Variants in SYT1 observed in about 807,000 individuals in gnomAD.
SYT1 encodes synaptotagmin 1, also known as synaptotagmin-1.
A neutral mutation model predicts 44.8 loss-of-function variants in SYT1; 8 were observed. The observed-to-expected ratio is 0.18, with a 90% CI of 0.10 to 0.32. The LOEUF (loss-of-function observed/expected upper bound fraction) is 0.32. Ranked by LOEUF, SYT1 falls within the 10% of genes least tolerant of loss-of-function variation. The probability of loss-of-function intolerance (pLI) is 1.00; values close to 1 mark genes in which losing one functional copy is unlikely to be tolerated. For synonymous variants in SYT1, 154 were observed against 188.8 expected, an observed-to-expected ratio of 0.82 and a Z score of 1.51; for missense variants, 286 against 509.3, an observed-to-expected ratio of 0.56 and a Z score of 4.22.
At chr12:79,154,546 G>A (rs541725227) in intron 3 of SYT1, among the ~76,000 whole-genome samples, 109 of 152,024 alleles carry the variant, frequency 7.2e-4, no homozygotes, top group Non-Finnish European at 1.4e-3. Context: ...CTGTCAGGTA[G>A]AGATAATGGG....
At chr12:78,944,454 A>G (rs1238371824) in intron 1 of SYT1, among the ~76,000 whole-genome samples, 1 of 152,078 alleles carries the variant, frequency 6.6e-6, no homozygotes. Context: ...TTATTTGTGT[A>G]CCATCTAATA....
intron 9 of SYT1, among the ~76,000 whole-genome samples, chr12:79,403,664 G>A (rs115070340): frequency 0.016 from 2,393 of 152,294 alleles, 47 homozygotes; most frequent in African/African-American, 0.044. Context: ...AAGAGAGAGA[G>A]AGACAGAGAC....
chr12:79,395,699 G>C (rs1884840872), intron 9 of SYT1, among the ~76,000 whole-genome samples: 1 of 152,086 alleles, frequency 6.6e-6, no homozygotes, highest in Non-Finnish European at 1.5e-5. Context: ...TACAGACTTT[G>C]ATAGTAGTCT....
intron 3 of SYT1, among the ~76,000 whole-genome samples, chr12:79,198,924 A>C (rs531707026): frequency 6.6e-6 from 1 of 152,306 alleles, no homozygotes; most frequent in African/African-American, 2.4e-5. Context: ...AAATGCTCAG[A>C]CATTACAGAG....
chr12:79,214,759 T>C (rs543606293), intron 3 of SYT1, among the ~76,000 whole-genome samples: 3 of 152,332 alleles, frequency 2.0e-5, no homozygotes, highest in African/African-American at 7.2e-5. Context: ...GATGGAGCTA[T>C]TGTACTTAGC....
chr12:79,299,651 G>A, intron 8 of SYT1, 100 bp downstream of exon 8: 1 of 1,433,026 alleles, frequency 7.0e-7, no homozygotes, highest in Non-Finnish European at 9.3e-7. Context: ...AGGGGGATGT[G>A]GGCCTCTAGT....
At chr12:79,363,980 C>A (rs1883432150) in intron 9 of SYT1, among the ~76,000 whole-genome samples, 1 of 152,118 alleles carries the variant, frequency 6.6e-6, no homozygotes, top group South Asian at 2.1e-4. Context: ...CCTTAATATA[C>A]CCTGCCTAAA....
intron 1 of SYT1, among the ~76,000 whole-genome samples, chr12:78,913,068 C>A (rs1050258355): frequency 1.1e-4 from 17 of 151,794 alleles, no homozygotes; most frequent in African/African-American, 3.9e-4. Context: ...TCAACTTTGT[C>A]ACAGAAAATG....
intron 8 of SYT1, among the ~76,000 whole-genome samples, chr12:79,344,244 G>A (rs370611688): frequency 6.6e-6 from 1 of 152,234 alleles, no homozygotes; most frequent in South Asian, 2.1e-4. Flanking sequence ...TGTTTCCACA[G>A]CACATACCTC....
intron 3 of SYT1, among the ~76,000 whole-genome samples, chr12:79,057,077 C>T (rs1875000436): frequency 6.6e-6 from 1 of 152,136 alleles, no homozygotes; most frequent in South Asian, 2.1e-4. Flanking sequence ...ATTCCTGTTT[C>T]AGCAGAAAGT....
chr12:79,210,319 T>C (rs1658816362), intron 3 of SYT1, among the ~76,000 whole-genome samples: 1 of 152,134 alleles, frequency 6.6e-6, no homozygotes, highest in Non-Finnish European at 1.5e-5. Context: ...AGTTCCTTAG[T>C]GGTGATTTGT....
At chr12:78,991,435 T>A (rs1049881696) in intron 2 of SYT1, among the ~76,000 whole-genome samples, 1 of 152,090 alleles carries the variant, frequency 6.6e-6, no homozygotes. Context: ...CTATAGCGAA[T>A]GAAAAAACCT....
intron 3 of SYT1, among the ~76,000 whole-genome samples, chr12:79,145,914 C>T (rs1445208732): frequency 6.6e-6 from 1 of 151,744 alleles, no homozygotes; most frequent in South Asian, 2.1e-4. Flanking sequence ...CCCGCCACTA[C>T]GCCCGGCTAA....
intron 3 of SYT1, among the ~76,000 whole-genome samples, chr12:79,074,301 G>A (rs1362329852): frequency 6.6e-6 from 1 of 152,066 alleles, no homozygotes; most frequent in African/African-American, 2.4e-5. Context: ...CACAGCTGTG[G>A]TCTACATGGC....
chr12:78,921,842 C>T lies in SYT1; in HGVS notation c.-216-55957C>T, dbSNP rs1456950509. On this transcript the variant is annotated intron_variant, in intron 1 of 10. Coordinates refer to ENST00000261205, the MANE Select transcript of SYT1 (RefSeq NM_005639.3). Reference sequence around the variant, plus strand: ...GCTGCAGAGACACGGGTGAGAGAGACAAAAGATGATGAGGATGAGGTGATT... The same window carrying T: ...GCTGCAGAGACACGGGTGAGAGAGATAAAAGATGATGAGGATGAGGTGATT... Among the ~76,000 whole-genome samples the T allele has an allele frequency of 2.6e-5, 4 of 151,712 alleles. No homozygotes were observed. In the East Asian group the frequency reaches 7.8e-4, roughly 29 times the overall value.
intron 8 of SYT1, among the ~76,000 whole-genome samples, chr12:79,339,884 A>T (rs1592980775): frequency 6.6e-6 from 1 of 152,332 alleles, no homozygotes; most frequent in South Asian, 2.1e-4. Flanking sequence ...AGCTTTCTAC[A>T]TAATGGCTAG....
chr12:78,889,865 T>C (rs1874952624), intron 1 of SYT1, among the ~76,000 whole-genome samples: 3 of 151,944 alleles, frequency 2.0e-5, no homozygotes, highest in Admixed American at 1.3e-4. Flanking sequence ...TCATGATATA[T>C]AATTAATAAA....
intron 9 of SYT1, among the ~76,000 whole-genome samples, chr12:79,410,247 A>T (rs1201888043): frequency 6.6e-6 from 1 of 152,086 alleles, no homozygotes; most frequent in Non-Finnish European, 1.5e-5. Context: ...CATTGTCTTA[A>T]TTTTGCAGCA....
At chr12:78,888,114 A>C (rs1474712959) in intron 1 of SYT1, among the ~76,000 whole-genome samples, 4 of 151,936 alleles carry the variant, frequency 2.6e-5, no homozygotes, top group African/African-American at 9.7e-5. Context: ...GTAGAATCAC[A>C]GATATTATAA....
Sources: gnomAD v4.1 joint callset for allele counts (sites outside exome capture counted in the v4.1 genomes callset) on GRCh38, gnomAD v4.1.1 for gene constraint, MANE v1.5 for transcripts, NCBI Gene and HGNC (gene_info 2026-07-23, HGNC 2026-07-21) for gene names.